The following TEX15 variants were observed in gnomAD, a reference collection of about 807,000 sequenced individuals.
TEX15 encodes testis-expressed protein 15.
TEX15 carries 171 observed loss-of-function variants against 237.3 expected under a neutral mutation model. That is an observed-to-expected ratio of 0.72 (90% confidence interval 0.64 to 0.82). The LOEUF (loss-of-function observed/expected upper bound fraction) is 0.82. Among genes scored for constraint, TEX15 ranks in the 40% least tolerant of loss-of-function variants. TEX15 has a pLI of 0.00. For missense variants in TEX15, 3,750 were observed against 3,646.5 expected (o/e 1.03, Z -0.73); for synonymous variants, 1,338 against 1,269.8 (o/e 1.05, Z -1.14).
At chr8:30,904,249 C>A (rs933343727) in intron 1 of TEX15, among the ~76,000 whole-genome samples, 6 of 152,106 alleles carry the variant, frequency 3.9e-5, no homozygotes, top group Admixed American at 6.5e-5. Flanking sequence ...GAGTTTGAGA[C>A]CAGCCTGGCC....
intron 2 of TEX15, among the ~76,000 whole-genome samples, chr8:30,895,675 G>GTTTTTTTTTTTTTT (rs1563276129): frequency 1.3e-5 from 1 of 76,970 alleles, no homozygotes; most frequent in African/African-American, 1.0e-4. Context: ...TTAAACACAT[G>GTTTTTTTTTTTTTT]CTTTTTTTTT....
chr8:30,837,168 T>G lies in TEX15; in HGVS notation c.9116A>C (p.Tyr3039Ser), dbSNP rs1168293173. 37 of 1,614,096 alleles carry G rather than the reference T, an allele frequency of 2.3e-5. No homozygotes were observed. Among genetic ancestry groups the G allele is most frequent in the Non-Finnish European group, 3.0e-5 (35 of 1,180,002 alleles). Residue 3039 changes from tyrosine (Y) to serine (S), a missense_variant, in exon 10 of 11, where the codon TAT becomes TCT. Coordinates refer to ENST00000643185, the MANE Select transcript of TEX15 (RefSeq NM_001350162.2). ...NSSEHLFGTS[Y>S]PYSAWCVYQY... is the part of the protein sequence containing the mutation. Reference sequence around the variant, plus strand: ...ATAAACACACCAAGCAGAGTATGGATATGAAGTTCCAAATAAATGCTCAGA... The same window carrying G: ...ATAAACACACCAAGCAGAGTATGGAGATGAAGTTCCAAATAAATGCTCAGA...
chr8:30,904,497 CTAAA>C (rs1809061294), intron 1 of TEX15, among the ~76,000 whole-genome samples: 1 of 148,446 alleles, frequency 6.7e-6, no homozygotes, highest in African/African-American at 2.5e-5. Flanking sequence ...TTGGTCATAA[CTAAA>C]TATTCACACA....
chr8:30,878,162 T>C (rs1413479008), intron 3 of TEX15, among the ~76,000 whole-genome samples: 4 of 148,576 alleles, frequency 2.7e-5, no homozygotes, highest in Non-Finnish European at 2.9e-5. Context: ...TATGAGTAGA[T>C]TGTTTCTTTT....
intron 1 of TEX15, among the ~76,000 whole-genome samples, chr8:30,901,294 T>C (rs1809000962): frequency 6.6e-6 from 1 of 152,266 alleles, no homozygotes; most frequent in African/African-American, 2.4e-5. Flanking sequence ...GTTGAAAATA[T>C]TTAACTAAAG....
At chr8:30,886,328 C>A (rs1251048992) in intron 3 of TEX15, among the ~76,000 whole-genome samples, 1 of 152,158 alleles carries the variant, frequency 6.6e-6, no homozygotes, top group Non-Finnish European at 1.5e-5. Context: ...GGGGAGTATC[C>A]CTGTTACCAC....
chr8:30,904,824 CA>C (rs1237989330), intron 1 of TEX15, among the ~76,000 whole-genome samples: 15 of 151,858 alleles, frequency 9.9e-5, no homozygotes, highest in African/African-American at 3.4e-4. Context: ...GACCATTATT[CA>C]CCTTTTATGA....
intron 5 of TEX15, among the ~76,000 whole-genome samples, chr8:30,864,141 A>G (rs1046124780): frequency 6.6e-6 from 1 of 152,106 alleles, no homozygotes; most frequent in Non-Finnish European, 1.5e-5. Flanking sequence ...AAAGAAATCC[A>G]ATAGCTGAAA....
chr8:30,896,746 C>A (rs1808913874), intron 2 of TEX15, among the ~76,000 whole-genome samples: 1 of 151,994 alleles, frequency 6.6e-6, no homozygotes, highest in East Asian at 1.9e-4. Flanking sequence ...ATCTCTAAAC[C>A]CTTAAAAATT....
intron 4 of TEX15, among the ~76,000 whole-genome samples, chr8:30,870,020 G>C (rs890425841): frequency 3.3e-5 from 5 of 151,950 alleles, no homozygotes; most frequent in South Asian, 2.1e-4. Context: ...AGATGTCAAA[G>C]TCTGTCACCT....
rs777037925 is a variant in TEX15, at chr8:30,860,030, G to C, written c.568C>G (p.Gln190Glu). Residue 190 changes from glutamine (Q) to glutamate (E), a missense_variant, in exon 6 of 11, where the codon CAA becomes GAA. Coordinates refer to ENST00000643185, the MANE Select transcript of TEX15 (RefSeq NM_001350162.2). ...ACTTTATTTTTATCCACAGAAGGTTGGATTTTCTTCACTTTTCCAAAGAGA... is the reference window on the plus strand; with the variant it reads ...ACTTTATTTTTATCCACAGAAGGTTCGATTTTCTTCACTTTTCCAAAGAGA... ...KVLFGKVKKI[Q>E]PSVDKNKVSL... The C allele has an allele frequency of 4.5e-5, 67 of 1,483,186 alleles. No individual in the cohort carries two copies. The South Asian group carries it at 7.2e-4, about 16-fold the overall frequency. The allele number at this position is 1,483,186 out of a possible 1,614,324, so 91.9% of individuals were successfully genotyped here. A position where few individuals can be genotyped will look rare whatever the true frequency, so the allele number is the denominator to read the frequency against.
intron 3 of TEX15, among the ~76,000 whole-genome samples, chr8:30,880,009 G>C (rs1177235070): frequency 6.6e-6 from 1 of 151,106 alleles, no homozygotes; most frequent in Non-Finnish European, 1.5e-5. Flanking sequence ...TTGTACCTAA[G>C]TATTTCATTT....
At chr8:30,836,215 T>TTTG (rs1263739969) in intron 10 of TEX15, among the ~76,000 whole-genome samples, 2 of 126,758 alleles carry the variant, frequency 1.6e-5, no homozygotes, top group Non-Finnish European at 3.3e-5. Context: ...GTTTTTTTTT[T>TTTG]TTTTTTTTTT....
rs1386816683 is a variant in TEX15 at position 30,847,321 on chromosome 8, A to C, written c.2846T>G (p.Val949Gly). Residue 949 changes from valine (V) to glycine (G), a missense_variant, in exon 8 of 11, where the codon GTG (valine) becomes GGG (glycine). Physicochemically the swap from Val to Gly is moderately radical, Grantham distance 109. Transcript: ENST00000643185. ...AGTATTTTCAGTATCTTTTTGTTTC[A>C]CGGCACTAATGGTATCTTCTTCACT... Reference protein sequence around the residue: ...LESEEDTISAVKQKDTENTGR... With the variant: ...LESEEDTISAGKQKDTENTGR... 3 of 1,613,872 alleles carry C rather than the reference A, an allele frequency of 1.9e-6. No individual in the cohort carries two copies. Among genetic ancestry groups the C allele is most frequent in the Non-Finnish European group, 2.5e-6 (3 of 1,179,902 alleles).
intron 5 of TEX15, among the ~76,000 whole-genome samples, 180 bp from the exon 6 acceptor site, chr8:30,860,237 C>T (rs1256485272): frequency 6.6e-6 from 1 of 151,950 alleles, no homozygotes; most frequent in Non-Finnish European, 1.5e-5. Context: ...CCTCCCACCT[C>T]GGCCCCGTTG....
At chr8:30,911,978 C>T (rs1809229428) in intron 1 of TEX15, among the ~76,000 whole-genome samples, 1 of 152,224 alleles carries the variant, frequency 6.6e-6, no homozygotes, top group Non-Finnish European at 1.5e-5. Flanking sequence ...CCAAGAGCCA[C>T]CAGGGCGAAG....
At chr8:30,889,927 T>TTATATACATATATATATATA (rs1554502262) in intron 2 of TEX15, among the ~76,000 whole-genome samples, 2 of 109,922 alleles carry the variant, frequency 1.8e-5, no homozygotes, top group East Asian at 2.0e-4. Flanking sequence ...TATGTATTAG[T>TTATATACATATATATATATA]TATATACATA....
At chr8:30,890,710 A>C (rs2128776936) in intron 2 of TEX15, 1 of 152,312 alleles carries the variant, frequency 6.6e-6, no homozygotes, top group East Asian at 1.9e-4. Context: ...GTCTGTATCT[A>C]GCCTTTATTA....
chr8:30,862,747 A>G (rs1372600271), intron 5 of TEX15, among the ~76,000 whole-genome samples: 1 of 152,192 alleles, frequency 6.6e-6, no homozygotes, highest in Admixed American at 6.6e-5. Context: ...AAGCTTAACC[A>G]GAGTAAATCT....
Sources: allele counts gnomAD v4.1 joint callset (sites outside exome capture counted in the v4.1 genomes callset), GRCh38; gene constraint gnomAD v4.1.1; transcripts MANE v1.5; gene names NCBI Gene and HGNC (gene_info 2026-07-23, HGNC 2026-07-21).